MRE11: variants seen among roughly 807,000 people sequenced by gnomAD.
MRE11 encodes double-strand break repair protein MRE11.
Under a neutral mutation model 91.7 loss-of-function variants are expected in MRE11, and 62 were observed. The ratio of observed to expected loss-of-function variants is 0.68; its 90% CI spans 0.55 to 0.84. The LOEUF is 0.84. Among genes scored for constraint, MRE11 ranks in the 40% least tolerant of loss-of-function variants. MRE11 has a pLI of 0.00. For synonymous variants in MRE11, 273 were observed against 271.4 expected (o/e 1.01, Z -0.06); for missense variants, 796 against 852.9 (o/e 0.93, Z 0.83).
At chr11:94,496,261 C>T (rs908993970), upstream of MRE11, among the ~76,000 whole-genome samples, 14 of 152,142 alleles carry the variant, frequency 9.2e-5, no homozygotes, top group African/African-American at 3.4e-4. Context: ...TTATAAAAAT[C>T]TTGAATGCAC....
chr11:94,450,579 T>A (rs1292558837), intron 14 of MRE11, among the ~76,000 whole-genome samples: 1 of 151,848 alleles, frequency 6.6e-6, no homozygotes. Flanking sequence ...AAATAAAAAA[T>A]TAATAATAAA....
At chr11:94,461,937 T>C (rs1242610456) in intron 11 of MRE11, among the ~76,000 whole-genome samples, 1 of 152,022 alleles carries the variant, frequency 6.6e-6, no homozygotes, top group Non-Finnish European at 1.5e-5. Flanking sequence ...AGCAGGGGCG[T>C]GGTGACAGGT....
At chr11:94,450,347 C>G (rs902463117) in intron 14 of MRE11, among the ~76,000 whole-genome samples, 2 of 152,154 alleles carry the variant, frequency 1.3e-5, no homozygotes, top group Non-Finnish European at 2.9e-5. Context: ...CAGCTGTATG[C>G]TTTTAGAAAG....
At chr11:94,457,887 T>TCTCACACACACA (rs372404360) in intron 13 of MRE11, among the ~76,000 whole-genome samples, 6 of 144,220 alleles carry the variant, frequency 4.2e-5, no homozygotes, top group South Asian at 2.3e-4. Context: ...TCTCTCTCTC[T>TCTCACACACACA]CACACACACA....
intron 4 of MRE11, among the ~76,000 whole-genome samples, chr11:94,484,605 G>A (rs915176847): frequency 6.6e-6 from 1 of 152,148 alleles, no homozygotes; most frequent in African/African-American, 2.4e-5. Context: ...GAGAAACCTG[G>A]CAGAGACCAG....
intron 3 of MRE11, among the ~76,000 whole-genome samples, chr11:94,488,703 C>G (rs911296240): frequency 2.0e-5 from 3 of 151,992 alleles, no homozygotes; most frequent in African/African-American, 7.3e-5. Flanking sequence ...AATGGAGGAA[C>G]AGAAAAATCA....
chr11:94,423,421 G>A (rs912634873), intron 19 of MRE11, among the ~76,000 whole-genome samples: 2 of 152,220 alleles, frequency 1.3e-5, no homozygotes, highest in African/African-American at 2.4e-5. Context: ...AATACATGGA[G>A]CCCAGGGGTT....
At chr11:94,511,083 T>G in the MRE11 span, among the ~76,000 whole-genome samples, 1 of 152,164 alleles carries the variant, frequency 6.6e-6, no homozygotes, top group South Asian at 2.1e-4. Context: ...TTCAAACTCA[T>G]GTTAAGAAAA....
chr11:94,491,946 A>AT (rs1947294448), intron 2 of MRE11, among the ~76,000 whole-genome samples: 2 of 152,184 alleles, frequency 1.3e-5, no homozygotes, highest in African/African-American at 2.4e-5. Context: ...TTTATGAAGT[A>AT]TTTTCTCATG....
chr11:94,493,632 C>T (rs1275434420), intron 1 of MRE11, 159 bp downstream of exon 1: 1 of 152,376 alleles, frequency 6.6e-6, no homozygotes, highest in Non-Finnish European at 1.5e-5. Context: ...TAACTCTGGG[C>T]TTCCGCCTGG....
chr11:94,418,788 A>G lies in MRE11; in HGVS notation c.*1337T>C, dbSNP rs1489728268. The G allele has an allele frequency of 4.3e-6, 1 of 232,062 alleles. No homozygotes were observed. Among genetic ancestry groups the G allele is most frequent in the African/African-American group, 2.2e-5 (1 of 45,312 alleles). The allele number at this position is 232,062 out of a possible 1,614,324, so 14.4% of individuals were successfully genotyped here. ...AATAACCCTTATGCTCAAGTTAGGT[A>G]CAGAAAAAATATTTTTAAGAAAGTC... On this transcript the variant is annotated 3_prime_UTR_variant, in exon 20 of 20. Transcript: ENST00000323929.
At chr11:94,473,090 G>A (rs545914969) in intron 7 of MRE11, 1 of 152,216 alleles carries the variant, frequency 6.6e-6, no homozygotes, top group East Asian at 1.9e-4. Context: ...AAAGTCCTAA[G>A]CAGTAGAAGA....
intron 19 of MRE11, among the ~76,000 whole-genome samples, chr11:94,423,186 G>A (rs947062067): frequency 1.3e-5 from 2 of 152,164 alleles, no homozygotes; most frequent in Admixed American, 6.5e-5. Flanking sequence ...GATACAAACT[G>A]GAAGCTGAAG....
chr11:94,461,090 G>A, intron 11 of MRE11, 54 bp from the exon 12 acceptor site: 3 of 1,441,028 alleles, frequency 2.1e-6, no homozygotes, highest in Non-Finnish European at 2.9e-6. Context: ...GTTAAAATGT[G>A]CATACTCATT....
At chr11:94,500,017 A>G in the MRE11 span, among the ~76,000 whole-genome samples, 1 of 152,152 alleles carries the variant, frequency 6.6e-6, no homozygotes, top group African/African-American at 2.4e-5. Flanking sequence ...TTATGTTGTG[A>G]TCTCTTCCTA....
intron 6 of MRE11, among the ~76,000 whole-genome samples, chr11:94,477,933 C>T (rs909223386): frequency 1.3e-5 from 2 of 152,090 alleles, no homozygotes; most frequent in Admixed American, 1.3e-4. Flanking sequence ...GACAGCTGGG[C>T]TTCACTGAAG....
At chr11:94,500,903 C>T in the MRE11 span, among the ~76,000 whole-genome samples, 1 of 152,128 alleles carries the variant, frequency 6.6e-6, no homozygotes, top group East Asian at 1.9e-4. Flanking sequence ...TGTCCCATAC[C>T]AAAATGAAAT....
At chr11:94,465,103 T>G (rs10765682) in intron 10 of MRE11, among the ~76,000 whole-genome samples, 2 of 152,156 alleles carry the variant, frequency 1.3e-5, no homozygotes, top group Non-Finnish European at 2.9e-5. Flanking sequence ...GCAGCATCCA[T>G]AATAGCAGGT....
chr11:94,441,607 C>G (rs958975755), intron 16 of MRE11, among the ~76,000 whole-genome samples: 1 of 151,948 alleles, frequency 6.6e-6, no homozygotes, highest in Non-Finnish European at 1.5e-5. Context: ...TGTGTACACA[C>G]GAAAAATTAA....
Sources: gnomAD v4.1 joint callset for allele counts (sites outside exome capture counted in the v4.1 genomes callset) on GRCh38, gnomAD v4.1.1 for gene constraint, MANE v1.5 for transcripts, NCBI Gene and HGNC (gene_info 2026-07-23, HGNC 2026-07-21) for gene names.